The following NKD2 variants were observed in gnomAD, a reference collection of about 807,000 sequenced individuals.
NKD2 encodes the protein NKD inhibitor of Wnt signaling pathway 2, also known as protein naked cuticle homolog 2.
Under a neutral mutation model 34.8 loss-of-function variants are expected in NKD2, and 43 were observed. The observed-to-expected ratio is 1.24, with a 90% confidence interval of 0.97 to 1.60. The LOEUF (loss-of-function observed/expected upper bound fraction) is 1.60. NKD2 is among the 40% of genes most tolerant of loss of function. The probability of loss-of-function intolerance (pLI) is 0.00; values close to 1 mark genes in which losing one functional copy is unlikely to be tolerated. For missense variants in NKD2, 675 were observed against 627.1 expected (o/e 1.08, Z -0.82); for synonymous variants, 278 against 265.1 (o/e 1.05, Z -0.47).
At chr5:1,031,360 G>A (rs572241723) in intron 3 of NKD2, among the ~76,000 whole-genome samples, 1 of 152,298 alleles carries the variant, frequency 6.6e-6, no homozygotes, top group Non-Finnish European at 1.5e-5. Context: ...CCGTCCAGGT[G>A]GACGGGACTG....
At position 1,034,217 on chromosome 5, in the gene NKD2, C is replaced by T; in HGVS notation, c.331-18C>T. ...CGTGGGTAGGAGGCGAGGTCCCGGC[C>T]CCCACGTCCCCCCACAGGCACTCCA... On this transcript the variant is annotated intron_variant, in intron 5 of 9. Transcript: ENST00000296849. The T allele has an allele frequency of 1.3e-6, 2 of 1,599,426 alleles. No homozygotes were observed. The highest frequency in any genetic ancestry group is 1.7e-6 in the Non-Finnish European group (2 of 1,171,426).
At chr5:1,030,015 C>CGGAG (rs1554003983) in intron 3 of NKD2, among the ~76,000 whole-genome samples, 1 of 97,238 alleles carries the variant, frequency 1.0e-5, no homozygotes, top group East Asian at 3.0e-4. Context: ...GATTGTGGTG[C>CGGAG]GGGGGGGGGG....
At chr5:1,020,531 C>T (rs975736620) in intron 3 of NKD2, among the ~76,000 whole-genome samples, 2 of 152,100 alleles carry the variant, frequency 1.3e-5, no homozygotes, top group African/African-American at 4.8e-5. Context: ...GGCCCAGTGG[C>T]GCTCACAGCT....
chr5:1,034,693 C>T, intron 6 of NKD2, 63 bp from the exon 7 acceptor site: 1 of 1,538,838 alleles, frequency 6.5e-7, no homozygotes, highest in South Asian at 1.2e-5. Flanking sequence ...TGTTTTCTGG[C>T]AGGGAGGGCG....
Position 1,025,833 on chromosome 5 carries a change from A to G in NKD2, c.142-6319A>G, listed in dbSNP as rs113437127. ...CTGCTCTTCCCACCCGCTAGTGGGC[A>G]TCTCAGCCCGTTGTCCCTGCTCTTC... On this transcript the variant is annotated intron_variant, in intron 3 of 9. Transcript: ENST00000296849. Among the ~76,000 whole-genome samples, 58 of 49,608 alleles carry G rather than the reference A, an allele frequency of 1.2e-3. 6 individuals carry two copies. The highest frequency in any genetic ancestry group is 3.0e-3 in the Admixed American group (10 of 3,328). 32.5% of individuals were successfully genotyped at this position (49,608 alleles called of 152,430 possible). A position where few individuals can be genotyped will look rare whatever the true frequency, so the allele number is the denominator to read the frequency against.
intron 3 of NKD2, among the ~76,000 whole-genome samples, chr5:1,014,993 C>T (rs918211507): frequency 5.3e-5 from 8 of 152,206 alleles, no homozygotes; most frequent in Non-Finnish European, 1.0e-4. Context: ...CCACATCCCT[C>T]GTGCCTGGGC....
intron 3 of NKD2, among the ~76,000 whole-genome samples, chr5:1,013,566 G>A (rs896824480): frequency 4.6e-5 from 7 of 152,248 alleles, no homozygotes; most frequent in Admixed American, 1.3e-4. Flanking sequence ...GCCATAGGAC[G>A]GGTTGGATAC....
intron 8 of NKD2, 32 bp from the exon 9 acceptor site, chr5:1,036,225 G>A (rs538831564): frequency 4.2e-5 from 65 of 1,553,056 alleles, no homozygotes; most frequent in Admixed American, 3.4e-4. Flanking sequence ...CAGTCTGTGC[G>A]GGGGTCAGGC....
intron 9 of NKD2, among the ~76,000 whole-genome samples, chr5:1,037,225 T>G (rs1734026303): frequency 6.6e-6 from 1 of 152,088 alleles, no homozygotes; most frequent in Non-Finnish European, 1.5e-5. Context: ...CCCAGGCCAC[T>G]CCCCAAGGGC....
intron 3 of NKD2, among the ~76,000 whole-genome samples, chr5:1,014,719 G>A (rs1300533020): frequency 1.3e-5 from 2 of 152,190 alleles, no homozygotes; most frequent in Non-Finnish European, 2.9e-5. Context: ...TATTTCTCAG[G>A]AAGCCAGGAG....
chr5:1,008,890 C>T lies in NKD2; in HGVS notation c.-168C>T. ...ACCTCCGCCCCGCGGCCGTACCTGG[C>T]GCCCCCTGGCTCCCCCGGCCCCCGC... On this transcript the variant is annotated 5_prime_UTR_variant, in exon 1 of 10. Coordinates refer to ENST00000296849, the MANE Select transcript of NKD2 (RefSeq NM_033120.4). 2.7e-6 allele frequency: 1 copy of T among 371,476 alleles called. No individual in the cohort carries two copies. The highest frequency in any genetic ancestry group is 4.8e-6 in the Non-Finnish European group (1 of 209,178). The allele number at this position is 371,476 out of a possible 1,614,324, so 23.0% of individuals were successfully genotyped here.
At chr5:1,013,754 C>T (rs185243117) in intron 3 of NKD2, among the ~76,000 whole-genome samples, 3 of 152,332 alleles carry the variant, frequency 2.0e-5, no homozygotes, top group African/African-American at 4.8e-5. Context: ...TGAGGTTGGG[C>T]CAGTGGATCT....
rs200189281 is a variant in NKD2, at chr5:1,038,545, G to A, written c.*172G>A. ...TGGCATGATGGAGGTGGTGCACCTT[G>A]GACACGTGGACAAGGCCCAGGCGCC... On this transcript the variant is annotated 3_prime_UTR_variant, in exon 10 of 10. Coordinates refer to ENST00000296849, the MANE Select transcript of NKD2 (RefSeq NM_033120.4). The surrounding 1 kb of genome is among the most constrained non-coding windows in gnomAD (Gnocchi z 4.5). The A allele has an allele frequency of 2.1e-5, 28 of 1,364,060 alleles. No homozygotes were observed. Among genetic ancestry groups the A allele is most frequent in the Admixed American group, 1.2e-4 (6 of 50,650 alleles). 84.5% of individuals were successfully genotyped at this position (1,364,060 alleles called of 1,614,324 possible).
chr5:1,010,375 A>G (rs1418806293), intron 3 of NKD2, among the ~76,000 whole-genome samples: 2 of 151,716 alleles, frequency 1.3e-5, no homozygotes, highest in Non-Finnish European at 3.0e-5. Flanking sequence ...CACTGTCCCC[A>G]GAGGTCCCCA....
intron 3 of NKD2, among the ~76,000 whole-genome samples, chr5:1,016,679 C>T (rs569718330): frequency 6.6e-6 from 1 of 152,346 alleles, no homozygotes; most frequent in African/African-American, 2.4e-5. Context: ...CGGTAGCTGG[C>T]AGGACCCTCC....
At chr5:1,035,556 C>T (rs1202018088) in intron 8 of NKD2, 83 bp downstream of exon 8, 3 of 1,048,382 alleles carry the variant, frequency 2.9e-6, no homozygotes, top group Admixed American at 4.1e-5. Flanking sequence ...GGCCACAGGC[C>T]ACAGGCCACA....
chr5:1,037,370 C>G, intron 9 of NKD2: 1 of 716,088 alleles, frequency 1.4e-6, no homozygotes, highest in East Asian at 2.7e-5. Context: ...TGCACAGGAG[C>G]TGCACCCTAC....
At chr5:1,036,503 A>ACCCCCCCCCCCCCCCCCCCC (rs1491491725) in intron 9 of NKD2, 119 bp downstream of exon 9, 1 of 205,026 alleles carries the variant, frequency 4.9e-6, no homozygotes, top group Non-Finnish European at 8.8e-6. Flanking sequence ...CCCCCCCCCA[A>ACCCCCCCCCCCCCCCCCCCC]CCCCCCCCAC....
At chr5:1,018,178 G>T (rs1459530357) in intron 3 of NKD2, among the ~76,000 whole-genome samples, 1 of 152,168 alleles carries the variant, frequency 6.6e-6, no homozygotes, top group African/African-American at 2.4e-5. Context: ...GGAGCCACGG[G>T]CACAGCCTAC....
Sources: gnomAD v4.1 joint callset for allele counts (sites outside exome capture counted in the v4.1 genomes callset) on GRCh38, gnomAD v4.1.1 for gene constraint, Gnocchi (gnomAD v3.1) non-coding constraint, MANE v1.5 for transcripts, NCBI Gene and HGNC (gene_info 2026-07-23, HGNC 2026-07-21) for gene names.